The following RHOBTB1 variants were observed in gnomAD, a reference collection of about 807,000 sequenced individuals.
RHOBTB1 encodes the protein rho-related BTB domain-containing protein 1.
In RHOBTB1, 40 loss-of-function variants were observed where a neutral mutation model predicts 71.6. That is an observed-to-expected ratio of 0.56 (90% CI 0.43 to 0.73). The LOEUF (loss-of-function observed/expected upper bound fraction) is 0.73. Ranked by LOEUF, RHOBTB1 falls within the 30% of genes least tolerant of loss-of-function variation. RHOBTB1 has a pLI of 0.00. For missense variants in RHOBTB1, 797 were observed against 894.0 expected, an observed-to-expected ratio of 0.89 and a Z score of 1.38; for synonymous variants, 319 against 334.9, an observed-to-expected ratio of 0.95 and a Z score of 0.52.
intron 2 of RHOBTB1, among the ~76,000 whole-genome samples, chr10:60,951,547 A>T (rs953840011): frequency 3.9e-5 from 6 of 152,188 alleles, no homozygotes; most frequent in African/African-American, 1.4e-4. Context: ...GCCATTAAAC[A>T]CTTCAGGGTC....
chr10:60,938,736 G>T (rs1351142257), intron 2 of RHOBTB1, among the ~76,000 whole-genome samples: 1 of 152,048 alleles, frequency 6.6e-6, no homozygotes, highest in Non-Finnish European at 1.5e-5. Context: ...TTGGAGGGGG[G>T]GTTTGTTTAG....
chr10:60,864,231 A>G, the RHOBTB1 span, among the ~76,000 whole-genome samples: 2 of 152,130 alleles, frequency 1.3e-5, no homozygotes, highest in African/African-American at 2.4e-5. Context: ...TTTCTGGGGA[A>G]CTCACTATCC....
intron 1 of RHOBTB1, among the ~76,000 whole-genome samples, chr10:60,992,835 C>T (rs1036696668): frequency 6.6e-6 from 1 of 152,040 alleles, no homozygotes; most frequent in African/African-American, 2.4e-5. Flanking sequence ...TTAAGAATGA[C>T]AAATAAAGCT....
intron 4 of RHOBTB1, among the ~76,000 whole-genome samples, chr10:60,904,094 C>A (rs114547551): frequency 6.6e-6 from 1 of 152,008 alleles, no homozygotes; most frequent in South Asian, 2.1e-4. Flanking sequence ...TCCCGAGTAG[C>A]CACAACACCT....
intron 2 of RHOBTB1, among the ~76,000 whole-genome samples, chr10:60,923,658 A>G (rs994224056): frequency 6.6e-6 from 1 of 152,174 alleles, no homozygotes; most frequent in African/African-American, 2.4e-5. Context: ...CTCATCCTGA[A>G]TTGTAGCTCC....
chr10:60,957,113 T>C (rs1027617595), intron 2 of RHOBTB1, among the ~76,000 whole-genome samples: 3 of 152,224 alleles, frequency 2.0e-5, no homozygotes, highest in African/African-American at 7.2e-5. Context: ...TACCTTCTTC[T>C]GGAATACCTC....
chr10:60,963,419 C>T (rs1269484335), intron 2 of RHOBTB1, among the ~76,000 whole-genome samples: 1 of 152,128 alleles, frequency 6.6e-6, no homozygotes, highest in Non-Finnish European at 1.5e-5. Flanking sequence ...GCTTTTAGGG[C>T]AACCCTGCAA....
At chr10:60,951,033 A>G (rs931714605) in intron 2 of RHOBTB1, among the ~76,000 whole-genome samples, 2 of 152,234 alleles carry the variant, frequency 1.3e-5, no homozygotes, top group Non-Finnish European at 2.9e-5. Flanking sequence ...CTACAAATAC[A>G]TACACAAACA....
At chr10:60,941,174 A>T (rs1228195257) in intron 2 of RHOBTB1, among the ~76,000 whole-genome samples, 1 of 152,216 alleles carries the variant, frequency 6.6e-6, no homozygotes, top group Non-Finnish European at 1.5e-5. Flanking sequence ...ACTGGAAAAC[A>T]ATTTTTCAAC....
At chr10:60,982,801 T>C (rs888576832) in intron 2 of RHOBTB1, among the ~76,000 whole-genome samples, 3 of 152,192 alleles carry the variant, frequency 2.0e-5, no homozygotes, top group Non-Finnish European at 4.4e-5. Context: ...AGGGCTAGAA[T>C]GCATGTAGAC....
At chr10:60,919,320 A>T (rs1177754750) in intron 2 of RHOBTB1, among the ~76,000 whole-genome samples, 4 of 134,602 alleles carry the variant, frequency 3.0e-5, no homozygotes, top group Non-Finnish European at 6.4e-5. Flanking sequence ...TGACAATTTT[A>T]TATTATTGAC....
chr10:60,931,091 T>C (rs933240701), intron 2 of RHOBTB1, among the ~76,000 whole-genome samples: 5 of 152,128 alleles, frequency 3.3e-5, no homozygotes, highest in Non-Finnish European at 7.4e-5. Flanking sequence ...TGCTGGACAA[T>C]GAGGCTATAA....
chr10:60,892,726 G>T (rs2081980526), intron 5 of RHOBTB1, 84 bp downstream of exon 5: 2 of 1,215,990 alleles, frequency 1.6e-6, no homozygotes, highest in Admixed American at 2.5e-5. Context: ...GTGTTGAAGA[G>T]CAGAACACCA....
chr10:60,861,143 C>A, the RHOBTB1 span, among the ~76,000 whole-genome samples: 2 of 152,144 alleles, frequency 1.3e-5, no homozygotes, highest in Admixed American at 6.5e-5. Flanking sequence ...AACCGGTTAC[C>A]TCCCTGCAAA....
At chr10:60,970,490 A>G (rs1210266998) in intron 2 of RHOBTB1, among the ~76,000 whole-genome samples, 1 of 152,150 alleles carries the variant, frequency 6.6e-6, no homozygotes, top group Non-Finnish European at 1.5e-5. Flanking sequence ...TTGAATATTA[A>G]TTCTGTATTT....
intron 2 of RHOBTB1, among the ~76,000 whole-genome samples, chr10:60,962,760 A>T (rs2085827181): frequency 6.6e-6 from 1 of 152,144 alleles, no homozygotes; most frequent in Non-Finnish European, 1.5e-5. Flanking sequence ...ATAGTTTTTT[A>T]AAATGTTCTG....
intron 2 of RHOBTB1, among the ~76,000 whole-genome samples, chr10:60,931,640 C>T (rs2084261384): frequency 1.3e-5 from 2 of 152,002 alleles, no homozygotes; most frequent in Non-Finnish European, 2.9e-5. Flanking sequence ...TCTAAGAGTA[C>T]ACTTATACAA....
At chr10:60,941,166 T>C (rs960840289) in intron 2 of RHOBTB1, among the ~76,000 whole-genome samples, 4 of 152,216 alleles carry the variant, frequency 2.6e-5, no homozygotes, top group Non-Finnish European at 5.9e-5. Flanking sequence ...GTTTCCCTAC[T>C]GGAAAACAAT....
chr10:60,969,417 T>C (rs2086077927), intron 2 of RHOBTB1, among the ~76,000 whole-genome samples: 1 of 152,000 alleles, frequency 6.6e-6, no homozygotes, highest in African/African-American at 2.4e-5. Context: ...TTGTAAAACA[T>C]TAAAAATCAG....
Sources: gnomAD v4.1 joint callset for allele counts (sites outside exome capture counted in the v4.1 genomes callset) on GRCh38, gnomAD v4.1.1 for gene constraint, MANE v1.5 for transcripts, NCBI Gene and HGNC (gene_info 2026-07-23, HGNC 2026-07-21) for gene names.